Variants in LRRC8D observed in about 807,000 individuals in gnomAD.
LRRC8D encodes the protein leucine rich repeat containing 8 VRAC subunit D.
LRRC8D carries 20 observed loss-of-function variants against 55.8 expected under a neutral mutation model. The observed-to-expected ratio is 0.36, with a 90% CI of 0.25 to 0.52. The LOEUF (loss-of-function observed/expected upper bound fraction) is 0.52, where lower values mean the gene tolerates loss of function less well. Among genes scored for constraint, LRRC8D ranks in the 20% least tolerant of loss-of-function variants. The pLI is 0.93. For synonymous variants in LRRC8D, 352 were observed against 377.0 expected, an observed-to-expected ratio of 0.93 and a Z score of 0.77; for missense variants, 651 against 1,030.8, an observed-to-expected ratio of 0.63 and a Z score of 5.05.
At chr1:89,878,457 C>G (rs1342762765) in intron 2 of LRRC8D, among the ~76,000 whole-genome samples, 2 of 152,216 alleles carry the variant, frequency 1.3e-5, no homozygotes, top group African/African-American at 4.8e-5. Flanking sequence ...GTCCCATTCT[C>G]TAGGCCATAT....
chr1:89,832,880 G>C (rs1660920505), intron 1 of LRRC8D, among the ~76,000 whole-genome samples: 1 of 152,196 alleles, frequency 6.6e-6, no homozygotes, highest in South Asian at 2.1e-4. Flanking sequence ...CATGTGCCAG[G>C]CACTGTTTGC....
chr1:89,863,735 A>G (rs1661776841), intron 2 of LRRC8D, among the ~76,000 whole-genome samples: 1 of 152,190 alleles, frequency 6.6e-6, no homozygotes, highest in East Asian at 1.9e-4. Context: ...TTGGTCTTTC[A>G]TGTATCATGC....
At chr1:89,828,017 T>C (rs1282993066) in intron 1 of LRRC8D, among the ~76,000 whole-genome samples, 1 of 152,218 alleles carries the variant, frequency 6.6e-6, no homozygotes, top group African/African-American at 2.4e-5. Context: ...GAGTTTAGTT[T>C]TGAAAACAGC....
At chr1:89,875,877 C>T (rs1365484090) in intron 2 of LRRC8D, among the ~76,000 whole-genome samples, 1 of 152,104 alleles carries the variant, frequency 6.6e-6, no homozygotes, top group Non-Finnish European at 1.5e-5. Flanking sequence ...TCCGCAAGGT[C>T]ACAGCTAATA....
Position 89,935,205 on chromosome 1 carries a change from T to G in LRRC8D, c.2137T>G (p.Phe713Val). The change falls in exon 3 of 3, where the codon TTC (phenylalanine) becomes GTC (valine). Residue 713 changes from phenylalanine (F) to valine (V), a missense_variant. Physicochemically the swap from Phe to Val is conservative, Grantham distance 50. Around this residue, in one of 5 missense-constraint regions of LRRC8D, gnomAD observed 338 missense variants for 479.4 expected, o/e 0.71. Coordinates refer to ENST00000337338, the MANE Select transcript of LRRC8D (RefSeq NM_001134479.2). ...TGTCAAAAACTTGGAGTCACTTTATTTCTCTAACAACAAGCTCGAATCCTT... is the reference window on the plus strand; with the variant it reads ...TGTCAAAAACTTGGAGTCACTTTATGTCTCTAACAACAAGCTCGAATCCTT... ...THVKNLESLYFSNNKLESLPV... is the reference protein window; with the variant it reads ...THVKNLESLYVSNNKLESLPV... The G allele has an allele frequency of 6.2e-7, 1 of 1,614,212 alleles. No homozygotes were observed. Among genetic ancestry groups the G allele is most frequent in the Non-Finnish European group, 8.5e-7 (1 of 1,180,026 alleles).
chr1:89,823,725 A>T (rs1441965217), intron 1 of LRRC8D, among the ~76,000 whole-genome samples: 1 of 152,194 alleles, frequency 6.6e-6, no homozygotes. Context: ...AAGGCAGGAG[A>T]GGATTCTCGT....
intron 2 of LRRC8D, among the ~76,000 whole-genome samples, chr1:89,890,191 A>AAATG (rs774100290): frequency 6.6e-6 from 1 of 152,016 alleles, no homozygotes; most frequent in African/African-American, 2.4e-5. Context: ...CTGTCTCAAT[A>AAATG]AATAAATAAA....
intron 2 of LRRC8D, among the ~76,000 whole-genome samples, chr1:89,844,208 A>C (rs1401511952): frequency 1.3e-5 from 2 of 152,142 alleles, no homozygotes; most frequent in Non-Finnish European, 2.9e-5. Flanking sequence ...GTGGGAGGGT[A>C]AGGGGTTGGG....
At chr1:89,883,425 G>C (rs1041952019) in intron 2 of LRRC8D, among the ~76,000 whole-genome samples, 10 of 152,132 alleles carry the variant, frequency 6.6e-5, no homozygotes, top group African/African-American at 2.4e-4. Context: ...CATGACCAGA[G>C]GGTAAAGGGA....
chr1:89,863,503 A>G (rs1325606389), intron 2 of LRRC8D, among the ~76,000 whole-genome samples: 1 of 151,856 alleles, frequency 6.6e-6, no homozygotes, highest in Non-Finnish European at 1.5e-5. Flanking sequence ...TATGTCCCTC[A>G]CTTTCAAGAT....
intron 2 of LRRC8D, among the ~76,000 whole-genome samples, chr1:89,888,240 G>A (rs563377554): frequency 2.2e-4 from 33 of 152,274 alleles, no homozygotes; most frequent in Admixed American, 2.0e-3. Context: ...TACTCTATTC[G>A]ATAAAGTTGT....
At chr1:89,865,033 A>T (rs1661807867) in intron 2 of LRRC8D, among the ~76,000 whole-genome samples, 1 of 152,244 alleles carries the variant, frequency 6.6e-6, no homozygotes, top group South Asian at 2.1e-4. Context: ...TTTCCATAGA[A>T]CATTTTACAT....
intron 1 of LRRC8D, among the ~76,000 whole-genome samples, chr1:89,840,316 A>G (rs969880002): frequency 2.7e-4 from 41 of 152,356 alleles, no homozygotes; most frequent in Admixed American, 1.0e-3. Flanking sequence ...ATAGCTGACC[A>G]GGGGAAAGTA....
chr1:89,845,205 T>G (rs1337354350), intron 2 of LRRC8D, among the ~76,000 whole-genome samples: 1 of 152,228 alleles, frequency 6.6e-6, no homozygotes, highest in Non-Finnish European at 1.5e-5. Context: ...TAATTAAGTT[T>G]GCTTTGAAAG....
At chr1:89,909,635 G>C (rs1414861909) in intron 2 of LRRC8D, among the ~76,000 whole-genome samples, 1 of 152,058 alleles carries the variant, frequency 6.6e-6, no homozygotes, top group Non-Finnish European at 1.5e-5. Context: ...GGGAGGCCGA[G>C]GCGGGCGGAT....
chr1:89,918,938 C>T (rs1233394539), intron 2 of LRRC8D, among the ~76,000 whole-genome samples: 1 of 152,190 alleles, frequency 6.6e-6, no homozygotes, highest in Non-Finnish European at 1.5e-5. Flanking sequence ...GTGATTCATT[C>T]TGTTAACAAA....
intron 2 of LRRC8D, among the ~76,000 whole-genome samples, chr1:89,925,934 C>T (rs12145216): frequency 0.062 from 9,370 of 152,332 alleles, 390 homozygotes; most frequent in Middle Eastern, 0.096. Flanking sequence ...CTTTGGCTTA[C>T]CCGTGAGATG....
intron 2 of LRRC8D, among the ~76,000 whole-genome samples, chr1:89,869,428 A>G (rs1661939995): frequency 1.3e-5 from 2 of 152,240 alleles, no homozygotes; most frequent in Admixed American, 1.3e-4. Flanking sequence ...AAAAAGGAGC[A>G]AACAAAGCCT....
chr1:89,885,393 A>T (rs938123131), intron 2 of LRRC8D, among the ~76,000 whole-genome samples: 1 of 152,206 alleles, frequency 6.6e-6, no homozygotes, highest in South Asian at 2.1e-4. Flanking sequence ...GCCCAGAAAC[A>T]CATTTTCCTT....
Sources: allele counts gnomAD v4.1 joint callset (sites outside exome capture counted in the v4.1 genomes callset), GRCh38; gene constraint gnomAD v4.1.1; regional missense constraint gnomAD v4.1.1; transcripts MANE v1.5; gene names NCBI Gene and HGNC (gene_info 2026-07-23, HGNC 2026-07-21).